ANK1: variants seen among roughly 807,000 people sequenced by gnomAD.
The protein encoded by ANK1 is ankyrin 1.
A neutral mutation model predicts 210.4 loss-of-function variants in ANK1; 51 were observed. The ratio of observed to expected loss-of-function variants is 0.24; its 90% CI spans 0.19 to 0.31. The LOEUF is 0.31. Among genes scored for constraint, ANK1 ranks in the 10% least tolerant of loss-of-function variants. ANK1 has a pLI of 1.00. For synonymous variants in ANK1, 967 were observed against 1,025.9 expected, an observed-to-expected ratio of 0.94 and a Z score of 1.10; for missense variants, 2,051 against 2,504.4, an observed-to-expected ratio of 0.82 and a Z score of 3.86.
chr8:41,711,907 T>A (rs994332117), intron 16 of ANK1, among the ~76,000 whole-genome samples: 45 of 151,256 alleles, frequency 3.0e-4, no homozygotes, highest in Admixed American at 2.4e-3. Flanking sequence ...AATAACTACA[T>A]GAGAGCAATG....
At chr8:41,799,117 T>C (rs1447815319), upstream of ANK1, among the ~76,000 whole-genome samples, 1 of 152,258 alleles carries the variant, frequency 6.6e-6, no homozygotes, top group Admixed American at 6.5e-5. Context: ...AGCACAGTCC[T>C]TAAGCAGGAG....
rs1314494470 is a variant in ANK1 at position 41,805,062 on chromosome 8, C to CTG, written c.127-46926_127-46925insCA. 5.7e-3 allele frequency among the ~76,000 whole-genome samples: 737 copies of CTG among 130,308 alleles called. 6 individuals carry two copies. Among genetic ancestry groups the CTG allele is most frequent in the South Asian group, 0.021 (87 of 4,080 alleles). 85.5% of individuals were successfully genotyped at this position (130,308 alleles called of 152,430 possible). On this transcript the variant is annotated intron_variant, in intron 1 of 42. Coordinates refer to the ANK1 transcript ENST00000265709. Reference sequence around the variant, plus strand: ...CCCATAGAGCTGTTTCTTTCTTTCTCTCTGTGTGTGTGTGTGTGTGTCGTG... The same window carrying CTG: ...CCCATAGAGCTGTTTCTTTCTTTCTCTGTCTGTGTGTGTGTGTGTGTGTCGTG...
At chr8:41,796,221 T>G (rs751337703) in intron 1 of ANK1, among the ~76,000 whole-genome samples, 4 of 152,174 alleles carry the variant, frequency 2.6e-5, no homozygotes, top group Non-Finnish European at 4.4e-5. Context: ...ACAAGAAAAC[T>G]GAGACACAGA....
intron 16 of ANK1, among the ~76,000 whole-genome samples, 174 bp downstream of exon 16, chr8:41,713,982 T>G (rs1233728887): frequency 6.6e-6 from 1 of 152,186 alleles, no homozygotes; most frequent in Admixed American, 6.5e-5. Context: ...GGGCCCTGAA[T>G]AGCGTGATTA....
chr8:41,783,602 C>T (rs189845514), intron 1 of ANK1, among the ~76,000 whole-genome samples: 6 of 142,550 alleles, frequency 4.2e-5, no homozygotes, highest in South Asian at 4.4e-4. Flanking sequence ...AAAATCTGAA[C>T]GCCATCCTCT....
chr8:41,657,562 C>T (rs570266789), intron 42 of ANK1, among the ~76,000 whole-genome samples: 23 of 152,366 alleles, frequency 1.5e-4, no homozygotes, highest in African/African-American at 4.1e-4. Flanking sequence ...GTGCTCCCCA[C>T]GGTGCCTGCC....
intron 1 of ANK1, among the ~76,000 whole-genome samples, chr8:41,836,581 G>A (rs957207302): frequency 7.2e-5 from 11 of 152,110 alleles, no homozygotes; most frequent in African/African-American, 2.4e-4. Flanking sequence ...GCTTCCAACC[G>A]GCGAAAACTC....
chr8:41,830,712 C>T (rs1806433599), intron 1 of ANK1, among the ~76,000 whole-genome samples: 1 of 152,144 alleles, frequency 6.6e-6, no homozygotes, highest in Admixed American at 6.5e-5. Flanking sequence ...GCAAACAGCT[C>T]CTACCTACCC....
At chr8:41,745,626 C>T (rs1835924353) in intron 2 of ANK1, among the ~76,000 whole-genome samples, 1 of 152,052 alleles carries the variant, frequency 6.6e-6, no homozygotes, top group Admixed American at 6.6e-5. Context: ...GGACAGGTGG[C>T]CCGCTGGGGC....
At chr8:41,852,723 G>A (rs1271211759) in intron 1 of ANK1, among the ~76,000 whole-genome samples, 2 of 152,152 alleles carry the variant, frequency 1.3e-5, no homozygotes, top group African/African-American at 4.8e-5. Flanking sequence ...ATGATTTATC[G>A]AGGATGACGC....
chr8:41,822,182 G>C (rs912392331), intron 1 of ANK1, among the ~76,000 whole-genome samples: 1 of 147,546 alleles, frequency 6.8e-6, no homozygotes, highest in Non-Finnish European at 1.5e-5. Flanking sequence ...AAGAAAGAAA[G>C]AAAGAAGGAA....
At chr8:41,888,412 G>C (rs1818827555) in intron 1 of ANK1, among the ~76,000 whole-genome samples, 1 of 152,240 alleles carries the variant, frequency 6.6e-6, no homozygotes, top group Non-Finnish European at 1.5e-5. Flanking sequence ...TTAGGGGCAG[G>C]CGACAGAACC....
At chr8:41,665,180 TTCTC>T (rs891821572) in intron 39 of ANK1, 17 of 1,533,220 alleles carry the variant, frequency 1.1e-5, no homozygotes, top group Non-Finnish European at 1.2e-5. Flanking sequence ...CTCTCACTGT[TTCTC>T]TCTCTGTGGG....
intron 22 of ANK1, among the ~76,000 whole-genome samples, chr8:41,699,962 G>A (rs1822246664): frequency 6.6e-6 from 1 of 152,230 alleles, no homozygotes; most frequent in Non-Finnish European, 1.5e-5. Context: ...AGAATTTTTT[G>A]TAACAATGGC....
chr8:41,734,146 C>G (rs1397938117), intron 2 of ANK1, 77 bp from the exon 3 acceptor site: 16 of 1,220,216 alleles, frequency 1.3e-5, no homozygotes, highest in Admixed American at 6.7e-5. Context: ...GGGCCCAGGC[C>G]CCTTCCCAGC....
At chr8:41,729,910 T>C (rs10101635) in intron 3 of ANK1, among the ~76,000 whole-genome samples, 3,503 of 152,312 alleles carry the variant, frequency 0.023, 45 homozygotes, top group African/African-American at 0.029. Context: ...CTCCACTCCA[T>C]GCTTCTGTCA....
intron 1 of ANK1, among the ~76,000 whole-genome samples, chr8:41,845,172 CT>C (rs2150807627): frequency 6.6e-6 from 1 of 152,168 alleles, no homozygotes; most frequent in Non-Finnish European, 1.5e-5. Context: ...ATTGCCTGAG[CT>C]CAGGAGTTCG....
At chr8:41,885,071 A>C (rs1287977407) in intron 1 of ANK1, among the ~76,000 whole-genome samples, 1 of 152,122 alleles carries the variant, frequency 6.6e-6, no homozygotes, top group Non-Finnish European at 1.5e-5. Context: ...TTTGAAAAAA[A>C]AAAAGGGGCT....
chr8:41,657,315 C>A (rs910693032), intron 42 of ANK1, among the ~76,000 whole-genome samples: 2 of 152,204 alleles, frequency 1.3e-5, no homozygotes, highest in African/African-American at 4.8e-5. Context: ...GGTCAAGTGC[C>A]TTACCTGCTC....
Sources: allele counts gnomAD v4.1 joint callset (sites outside exome capture counted in the v4.1 genomes callset), GRCh38; gene constraint gnomAD v4.1.1; transcripts MANE v1.5; gene names NCBI Gene and HGNC (gene_info 2026-07-23, HGNC 2026-07-21).